MKLN1: variants seen among roughly 807,000 people sequenced by gnomAD.
The protein encoded by MKLN1 is muskelin.
Under a neutral mutation model 99.0 loss-of-function variants are expected in MKLN1, and 18 were observed. That is an observed-to-expected ratio of 0.18 (90% CI 0.13 to 0.27). The LOEUF (loss-of-function observed/expected upper bound fraction) is 0.27, where lower values mean the gene tolerates loss of function less well. Among genes scored for constraint, MKLN1 ranks in the 10% least tolerant of loss-of-function variants. The pLI is 1.00. For synonymous variants in MKLN1, 288 were observed against 293.2 expected (o/e 0.98, Z 0.18); for missense variants, 621 against 875.9 (o/e 0.71, Z 3.67).
At chr7:131,376,222 A>T (rs1390639345) in intron 2 of MKLN1, among the ~76,000 whole-genome samples, 1 of 149,030 alleles carries the variant, frequency 6.7e-6, no homozygotes, top group African/African-American at 2.5e-5. Context: ...ACATGTCTAA[A>T]GAATATATAT....
chr7:131,318,431 A>C (rs761435752), intron 3 of MKLN1, among the ~76,000 whole-genome samples: 3 of 152,242 alleles, frequency 2.0e-5, no homozygotes, highest in African/African-American at 4.8e-5. Flanking sequence ...AATGTACCAG[A>C]ATCTCTGGGA....
chr7:131,168,761 A>T (rs2116329155), intron 2 of MKLN1, among the ~76,000 whole-genome samples: 1 of 152,322 alleles, frequency 6.6e-6, no homozygotes, highest in South Asian at 2.1e-4. Flanking sequence ...CCAGCAAAAT[A>T]AGTATTACGT....
chr7:131,304,904 C>T (rs1798432105), intron 3 of MKLN1, among the ~76,000 whole-genome samples: 1 of 152,192 alleles, frequency 6.6e-6, no homozygotes, highest in South Asian at 2.1e-4. Flanking sequence ...GGGAATGATG[C>T]TCTGTCCTCA....
At chr7:131,202,535 G>A (rs1044656639) in intron 2 of MKLN1, among the ~76,000 whole-genome samples, 2 of 152,118 alleles carry the variant, frequency 1.3e-5, no homozygotes, top group Admixed American at 6.6e-5. Context: ...GAGCCACCGC[G>A]GCTCCCTGGC....
At chr7:131,271,628 A>C (rs1797886406) in intron 3 of MKLN1, among the ~76,000 whole-genome samples, 1 of 151,426 alleles carries the variant, frequency 6.6e-6, no homozygotes, top group Non-Finnish European at 1.5e-5. Flanking sequence ...TAAAAAAAAA[A>C]AAAAAAAAAT....
At position 131,169,451 on chromosome 7, in the gene MKLN1, A is replaced by T. The variant is rs1796185724; in HGVS notation, c.-297+26510A>T. On this transcript the variant is annotated intron_variant, in intron 2 of 7. Coordinates refer to the MKLN1 transcript ENST00000416992. The stretch of plus-strand genomic sequence containing the variant: ...TTGAGACCACAAAATTAACAGTTTG[A>T]CTGTTAATTTTAACTACTTTGATTA... Among the ~76,000 whole-genome samples, 6 of 152,198 alleles carry T rather than the reference A, an allele frequency of 3.9e-5. 1 individual carries two copies. The South Asian group carries it at 1.2e-3, about 31-fold the overall frequency.
chr7:131,235,759 C>T (rs1797312522), intron 3 of MKLN1, among the ~76,000 whole-genome samples: 1 of 152,136 alleles, frequency 6.6e-6, no homozygotes, highest in Admixed American at 6.5e-5. Flanking sequence ...AGAGCTGGTA[C>T]AATGGGATTG....
chr7:131,339,272 T>C (rs1412509630), intron 1 of MKLN1, among the ~76,000 whole-genome samples: 1 of 152,256 alleles, frequency 6.6e-6, no homozygotes, highest in African/African-American at 2.4e-5. Flanking sequence ...GTTTTATTCT[T>C]GTTCTTAGCC....
At chr7:131,362,635 C>T (rs1047095245) in intron 1 of MKLN1, among the ~76,000 whole-genome samples, 1 of 151,928 alleles carries the variant, frequency 6.6e-6, no homozygotes, top group African/African-American at 2.4e-5. Context: ...AATTATGTTA[C>T]GTTATAGACA....
intron 2 of MKLN1, among the ~76,000 whole-genome samples, chr7:131,161,063 G>A (rs554815529): frequency 3.3e-5 from 5 of 152,180 alleles, no homozygotes; most frequent in East Asian, 1.9e-4. Context: ...ACTTTTGGTC[G>A]CCTTCTCCAT....
At chr7:131,309,721 ATTT>A (rs59130761) in intron 3 of MKLN1, 12 of 87,504 alleles carry the variant, frequency 1.4e-4, no homozygotes, top group East Asian at 3.9e-4. Context: ...CCACAAGTGG[ATTT>A]TTTTTTTTTT....
intron 6 of MKLN1, among the ~76,000 whole-genome samples, chr7:131,404,341 T>C (rs1026903775): frequency 6.6e-6 from 1 of 152,132 alleles, no homozygotes; most frequent in Non-Finnish European, 1.5e-5. Context: ...TTGTGTTCTT[T>C]TGGCAGGGTC....
At chr7:131,242,435 C>T (rs1463385098) in intron 3 of MKLN1, among the ~76,000 whole-genome samples, 1 of 152,132 alleles carries the variant, frequency 6.6e-6, no homozygotes, top group East Asian at 1.9e-4. Flanking sequence ...ACTCAGGAGG[C>T]TGACGTGTGA....
At chr7:131,331,680 T>C (rs1372411314) in intron 1 of MKLN1, among the ~76,000 whole-genome samples, 4 of 152,160 alleles carry the variant, frequency 2.6e-5, no homozygotes, top group African/African-American at 9.7e-5. Flanking sequence ...ATTGGGCCTT[T>C]TGACTTCTGT....
At chr7:131,193,855 T>C (rs1796603557) in intron 2 of MKLN1, among the ~76,000 whole-genome samples, 1 of 152,002 alleles carries the variant, frequency 6.6e-6, no homozygotes, top group African/African-American at 2.4e-5. Flanking sequence ...AACAAACTCC[T>C]GGGCTCAAGC....
chr7:131,265,041 A>C (rs1455269868), intron 3 of MKLN1, among the ~76,000 whole-genome samples: 1 of 152,084 alleles, frequency 6.6e-6, no homozygotes, highest in Admixed American at 6.5e-5. Flanking sequence ...GGGTTTCACC[A>C]TGTGGCCAGG....
intron 8 of MKLN1, among the ~76,000 whole-genome samples, chr7:131,420,486 A>T (rs1459989319): frequency 2.0e-5 from 3 of 152,166 alleles, no homozygotes; most frequent in African/African-American, 7.2e-5. Flanking sequence ...AGGATCCAAT[A>T]TGGTAATATG....
chr7:131,128,852 A>T (rs1795504906), intron 1 of MKLN1, among the ~76,000 whole-genome samples: 1 of 149,430 alleles, frequency 6.7e-6, no homozygotes, highest in Non-Finnish European at 1.5e-5. Context: ...CTTCCCCTTC[A>T]GCCTCCGGAG....
chr7:131,391,054 G>T (rs1407729649), intron 4 of MKLN1, among the ~76,000 whole-genome samples: 1 of 151,630 alleles, frequency 6.6e-6, no homozygotes, highest in Non-Finnish European at 1.5e-5. Context: ...CCTTTCCCAA[G>T]CATTCTCTTA....
Sources: allele counts gnomAD v4.1 joint callset (sites outside exome capture counted in the v4.1 genomes callset), GRCh38; gene constraint gnomAD v4.1.1; transcripts MANE v1.5; gene names NCBI Gene and HGNC (gene_info 2026-07-23, HGNC 2026-07-21).